Variants in UNC79 observed in about 807,000 individuals in gnomAD.
UNC79 encodes the protein protein unc-79 homolog.
Under a neutral mutation model 283.1 loss-of-function variants are expected in UNC79, and 37 were observed. The observed-to-expected ratio is 0.13, with a 90% confidence interval of 0.10 to 0.17. The LOEUF (loss-of-function observed/expected upper bound fraction) is 0.17. Among genes scored for constraint, UNC79 ranks in the 10% least tolerant of loss-of-function variants. The pLI, the probability that UNC79 is intolerant of heterozygous loss-of-function variation, is 1.00. For synonymous variants in UNC79, 1,107 were observed against 1,200.2 expected, an observed-to-expected ratio of 0.92 and a Z score of 1.61; for missense variants, 2,272 against 3,211.1, an observed-to-expected ratio of 0.71 and a Z score of 7.07.
At chr14:93,559,684 C>T (rs1257379759) in intron 14 of UNC79, among the ~76,000 whole-genome samples, 1 of 152,024 alleles carries the variant, frequency 6.6e-6, no homozygotes, top group Non-Finnish European at 1.5e-5. Flanking sequence ...AGGGACTGGC[C>T]ATTTTCACTT....
At chr14:93,451,358 C>T (rs139883848) in intron 1 of UNC79, among the ~76,000 whole-genome samples, 1 of 151,962 alleles carries the variant, frequency 6.6e-6, no homozygotes, top group Admixed American at 6.6e-5. Context: ...TAGTCAGATT[C>T]ACAGAAGGAA....
At chr14:93,517,195 C>G (rs915335184) in intron 7 of UNC79, among the ~76,000 whole-genome samples, 1 of 150,244 alleles carries the variant, frequency 6.7e-6, no homozygotes, top group African/African-American at 2.4e-5. Flanking sequence ...CTCTCTCCAC[C>G]CCTCTCTCCC....
chr14:93,634,355 C>T lies in UNC79; in HGVS notation c.5717-2861C>T, dbSNP rs373442946. ...TCCTCACTGTGTGAAGAAAGGCATC[C>T]GGAACAGCAGAGTACCTTAATTTTT... On this transcript the variant is annotated intron_variant, in intron 31 of 48. Coordinates refer to ENST00000555664, the Ensembl canonical transcript of UNC79. 9.2e-5 allele frequency among the ~76,000 whole-genome samples: 14 copies of T among 152,102 alleles called. No homozygotes were observed. The East Asian group carries it at 1.9e-3, about 21-fold the overall frequency.
chr14:93,535,872 C>G (rs565150044), intron 11 of UNC79, among the ~76,000 whole-genome samples: 1 of 152,248 alleles, frequency 6.6e-6, no homozygotes, highest in East Asian at 1.9e-4. Context: ...CAGTTGCAAG[C>G]CCATCCAGAT....
chr14:93,564,725 G>A (rs1446367004), intron 14 of UNC79, among the ~76,000 whole-genome samples: 2 of 151,904 alleles, frequency 1.3e-5, no homozygotes, highest in Non-Finnish European at 1.5e-5. Flanking sequence ...GGTAGGTAGT[G>A]GAAAATTACA....
intron 35 of UNC79, among the ~76,000 whole-genome samples, chr14:93,653,085 C>T (rs990425480): frequency 1.4e-4 from 22 of 152,076 alleles, no homozygotes; most frequent in African/African-American, 5.1e-4. Flanking sequence ...CTTTGATTTT[C>T]TCTTTTTTCC....
chr14:93,541,320 A>C (rs530817114), intron 13 of UNC79, among the ~76,000 whole-genome samples: 1 of 152,360 alleles, frequency 6.6e-6, no homozygotes, highest in South Asian at 2.1e-4. Context: ...TAATGCAAGG[A>C]ATATGATTGC....
chr14:93,698,261 G>A lies in UNC79; in HGVS notation c.7548+3849G>A, dbSNP rs142623331. 7.5e-3 allele frequency among the ~76,000 whole-genome samples: 1,139 copies of A among 152,136 alleles called. 15 individuals carry two copies. Among genetic ancestry groups the A allele is most frequent in the African/African-American group, 0.025 (1,038 of 41,534 alleles). On this transcript the variant is annotated intron_variant, in intron 47 of 48. Coordinates refer to ENST00000555664, the Ensembl canonical transcript of UNC79. Reference sequence around the variant, plus strand: ...CAAAGTTTTTGATTGTATTGCTCAAGTCTTCTATGTCCTTCTTGTTATGTC... The same window carrying A: ...CAAAGTTTTTGATTGTATTGCTCAAATCTTCTATGTCCTTCTTGTTATGTC...
At chr14:93,654,078 C>A in intron 37 of UNC79, 53 bp downstream of exon 40, 3 of 1,508,824 alleles carry the variant, frequency 2.0e-6, no homozygotes, top group Non-Finnish European at 2.8e-6. Context: ...TAAGCCCCAG[C>A]ACAACTGTGG....
At chr14:93,420,178 TA>T (rs60757202) in intron 1 of UNC79, among the ~76,000 whole-genome samples, 6,537 of 103,698 alleles carry the variant, frequency 0.063, 456 homozygotes, top group African/African-American at 0.19. Flanking sequence ...GCTGAACAGA[TA>T]AAAAAAAAAA....
At chr14:93,378,065 G>A (rs2054596319) in intron 1 of UNC79, among the ~76,000 whole-genome samples, 1 of 152,170 alleles carries the variant, frequency 6.6e-6, no homozygotes, top group African/African-American at 2.4e-5. Flanking sequence ...AAATGAGTTA[G>A]GGATAGAAAA....
chr14:93,605,426 C>CA (rs1350192413), intron 26 of UNC79, among the ~76,000 whole-genome samples: 2 of 152,178 alleles, frequency 1.3e-5, no homozygotes, highest in African/African-American at 4.8e-5. Flanking sequence ...TTCTGTTTCT[C>CA]AGAGAAAGGA....
chr14:93,421,050 A>T (rs909377094), intron 1 of UNC79, among the ~76,000 whole-genome samples: 1 of 151,724 alleles, frequency 6.6e-6, no homozygotes, highest in African/African-American at 2.4e-5. Flanking sequence ...AAAGAACCAG[A>T]AAATCAAGAT....
At chr14:93,574,445 G>A (rs2063364031) in intron 16 of UNC79, among the ~76,000 whole-genome samples, 2 of 152,236 alleles carry the variant, frequency 1.3e-5, no homozygotes, top group African/African-American at 4.8e-5. Context: ...ACCGGAAATA[G>A]TCCTTTCTGC....
rs141019994 is a variant in UNC79 at position 93,547,522 on chromosome 14, G to A, written c.1755+4826G>A. 2.9e-3 allele frequency among the ~76,000 whole-genome samples: 447 copies of A among 152,278 alleles called. 1 individual carries two copies. The highest frequency in any genetic ancestry group is 4.2e-3 in the Non-Finnish European group (288 of 68,030). On this transcript the variant is annotated intron_variant, in intron 14 of 48. Transcript: ENST00000555664. ...GAGTACTTGATTAACCAACATTACA[G>A]GTCACTGTGAAACAATTCTTAGTTA...
intron 1 of UNC79, among the ~76,000 whole-genome samples, chr14:93,351,032 G>C (rs1221603389): frequency 1.3e-5 from 2 of 152,106 alleles, no homozygotes; most frequent in Non-Finnish European, 2.9e-5. Context: ...ACCTTGAACA[G>C]ACTCTGTGTC....
intron 12 of UNC79, among the ~76,000 whole-genome samples, chr14:93,538,840 T>C (rs1370671098): frequency 1.3e-5 from 2 of 149,888 alleles, no homozygotes; most frequent in Non-Finnish European, 3.0e-5. Flanking sequence ...AAATAACTTC[T>C]ACCCTTCCTC....
At chr14:93,502,181 A>G (rs1187698998) in intron 7 of UNC79, among the ~76,000 whole-genome samples, 1 of 152,190 alleles carries the variant, frequency 6.6e-6, no homozygotes, top group Non-Finnish European at 1.5e-5. Context: ...TGGGAGGCCG[A>G]GGTGGGTGGA....
intron 42 of UNC79, among the ~76,000 whole-genome samples, chr14:93,685,448 A>G (rs1046315150): frequency 6.6e-6 from 1 of 152,240 alleles, no homozygotes; most frequent in Admixed American, 6.5e-5. Context: ...TTAAAAGAAG[A>G]AAACTTTGGA....
Sources: gnomAD v4.1 joint callset for allele counts (sites outside exome capture counted in the v4.1 genomes callset) on GRCh38, gnomAD v4.1.1 for gene constraint, MANE v1.5 for transcripts, NCBI Gene and HGNC (gene_info 2026-07-23, HGNC 2026-07-21) for gene names.